The following DNAI4 variants were observed in gnomAD, a reference collection of about 807,000 sequenced individuals.
The protein encoded by DNAI4 is dynein axonemal intermediate chain 4.
In DNAI4, 85 loss-of-function variants were observed where a neutral mutation model predicts 105.8. The observed-to-expected ratio is 0.80, with a 90% confidence interval of 0.67 to 0.96. DNAI4 has a LOEUF of 0.96. Among genes scored for constraint, DNAI4 ranks in the 40% least tolerant of loss-of-function variants. The pLI, the probability that DNAI4 is intolerant of heterozygous loss-of-function variation, is 0.00. For synonymous variants in DNAI4, 352 were observed against 331.5 expected (o/e 1.06, Z -0.67); for missense variants, 1,014 against 1,005.6 (o/e 1.01, Z -0.11).
intron 7 of DNAI4, among the ~76,000 whole-genome samples, chr1:66,856,465 T>A (rs1488429761): frequency 6.6e-6 from 1 of 151,854 alleles, no homozygotes; most frequent in Non-Finnish European, 1.5e-5. Flanking sequence ...AGAGCGAGAC[T>A]CCGTCTCAAA....
chr1:66,831,802 C>T (rs1645870953), intron 13 of DNAI4, among the ~76,000 whole-genome samples: 1 of 152,132 alleles, frequency 6.6e-6, no homozygotes, highest in African/African-American at 2.4e-5. Flanking sequence ...GAAATAAAGG[C>T]AAGCAGGTTA....
intron 2 of DNAI4, among the ~76,000 whole-genome samples, chr1:66,900,866 C>T (rs1118392): frequency 0.7 from 105,863 of 152,022 alleles, 37,186 homozygotes; most frequent in East Asian, 0.87. Flanking sequence ...TCTTACTTTC[C>T]GAACTGGATG....
chr1:66,822,591 T>A, intron 15 of DNAI4, 74 bp from the exon 16 acceptor site: 1 of 1,291,068 alleles, frequency 7.7e-7, no homozygotes, highest in Non-Finnish European at 1.0e-6. Context: ...AAGAAAAATT[T>A]GACATTTTTT....
chr1:66,874,664 C>G (rs930285201), intron 5 of DNAI4, 117 bp downstream of exon 5: 1 of 943,600 alleles, frequency 1.1e-6, no homozygotes, highest in East Asian at 2.7e-5. Context: ...AGTCTCCCCC[C>G]AAACCCCATA....
chr1:66,871,306 T>C (rs770591984), intron 6 of DNAI4, 64 bp downstream of exon 6: 42 of 1,438,298 alleles, frequency 2.9e-5, no homozygotes, highest in Middle Eastern at 2.3e-4. Context: ...CACTTGTCGA[T>C]TGACAGACTC....
intron 9 of DNAI4, 62 bp from the exon 10 acceptor site, chr1:66,837,858 T>C (rs1646063796): frequency 2.9e-6 from 4 of 1,385,194 alleles, no homozygotes; most frequent in Non-Finnish European, 4.0e-6. Flanking sequence ...TTGGTAAATG[T>C]ATAAAGATAT....
chr1:66,813,461 C>G lies in DNAI4; in HGVS notation c.*669G>C, dbSNP rs1645454331. On this transcript the variant is annotated 3_prime_UTR_variant, in exon 17 of 17. Transcript: ENST00000371026. ...TCCACTGAAGTCTGGGCTTAAAATC[C>G]AGAGCTGATTCTGGGCAAACAGAGA... The G allele has an allele frequency of 6.6e-6, 1 of 152,352 alleles. No individual in the cohort carries two copies. The highest frequency in any genetic ancestry group is 1.5e-5 in the Non-Finnish European group (1 of 68,006). The allele number at this position is 152,352 out of a possible 1,614,324, so 9.4% of individuals were successfully genotyped here.
In DNAI4 at chr1:66,824,284, G is replaced by A. The variant is rs4655507; in HGVS notation, c.2340-1767C>T. 3.6e-5 allele frequency among the ~76,000 whole-genome samples: 5 copies of A among 138,540 alleles called. No homozygotes were observed. The East Asian group carries it at 8.0e-4, about 22-fold the overall frequency. 90.9% of individuals were successfully genotyped at this position (138,540 alleles called of 152,430 possible). On this transcript the variant is annotated intron_variant, in intron 15 of 16. Transcript: ENST00000371026. Reference sequence around the variant, plus strand: ...ATTGATCTATATCTCTGTTTTGGTAGCAGTACCATGCTGTTTTGGTTACTG... The same window carrying A: ...ATTGATCTATATCTCTGTTTTGGTAACAGTACCATGCTGTTTTGGTTACTG...
intron 6 of DNAI4, chr1:66,871,125 T>C: frequency 7.2e-6 from 3 of 419,578 alleles, no homozygotes; most frequent in Non-Finnish European, 1.3e-5. Flanking sequence ...TTAAAGAGTA[T>C]AAAGTTCTAT....
At chr1:66,921,859 T>C (rs928106577) in intron 1 of DNAI4, among the ~76,000 whole-genome samples, 1 of 151,692 alleles carries the variant, frequency 6.6e-6, no homozygotes, top group African/African-American at 2.4e-5. Flanking sequence ...TAGGTGAAGA[T>C]GGATGAATAA....
At chr1:66,851,346 A>C (rs1167191813) in intron 7 of DNAI4, among the ~76,000 whole-genome samples, 1 of 151,952 alleles carries the variant, frequency 6.6e-6, no homozygotes, top group Non-Finnish European at 1.5e-5. Flanking sequence ...AGTAAAAATT[A>C]TTAGAATTGA....
intron 1 of DNAI4, among the ~76,000 whole-genome samples, chr1:66,923,209 A>C (rs1198279979): frequency 6.6e-6 from 1 of 152,238 alleles, no homozygotes; most frequent in Non-Finnish European, 1.5e-5. Flanking sequence ...CAACAAATGC[A>C]TTTTCATCAT....
rs756531495 is a variant in DNAI4 at position 66,812,970 on chromosome 1, A to G, written c.*1160T>C. ...TTTCAGAAAGACAAAAACAAAGATAATCACAATGACATACCAGTGGAAAAT... is the reference window on the plus strand; with the variant it reads ...TTTCAGAAAGACAAAAACAAAGATAGTCACAATGACATACCAGTGGAAAAT... On this transcript the variant is annotated 3_prime_UTR_variant, in exon 17 of 17. Transcript: ENST00000371026. The G allele has an allele frequency of 6.6e-6, 1 of 152,338 alleles. No individual in the cohort carries two copies. Among genetic ancestry groups the G allele is most frequent in the African/African-American group, 2.4e-5 (1 of 41,452 alleles). The allele number at this position is 152,338 out of a possible 1,614,324, so 9.4% of individuals were successfully genotyped here.
intron 16 of DNAI4, among the ~76,000 whole-genome samples, chr1:66,819,337 A>G (rs925224265): frequency 8.5e-5 from 13 of 152,188 alleles, no homozygotes; most frequent in African/African-American, 3.1e-4. Context: ...TCACAAAAGC[A>G]TTCTCTTATT....
chr1:66,829,615 T>C (rs1047551433), intron 13 of DNAI4, among the ~76,000 whole-genome samples: 2 of 152,082 alleles, frequency 1.3e-5, no homozygotes, highest in Admixed American at 1.3e-4. Context: ...AAATCTACAA[T>C]TATGGTTGGA....
chr1:66,899,370 T>C lies in DNAI4; in HGVS notation c.345+5831A>G, dbSNP rs147616839. Among the ~76,000 whole-genome samples, 45 of 152,356 alleles carry C rather than the reference T, an allele frequency of 3.0e-4. No individual in the cohort carries two copies. In the South Asian group the frequency reaches 4.6e-3, roughly 15 times the overall value. ...TAACAACGTCCACCATATTTTCATA[T>C]GCTTTTTGATCATTTGTATATATTT... On this transcript the variant is annotated intron_variant, in intron 2 of 16. Transcript: ENST00000371026.
intron 7 of DNAI4, among the ~76,000 whole-genome samples, chr1:66,853,483 TG>T (rs1192530445): frequency 1.3e-5 from 2 of 152,320 alleles, no homozygotes; most frequent in African/African-American, 4.8e-5. Flanking sequence ...CTAAAGGTGA[TG>T]GGGGTACAAC....
rs564966570 is a variant in DNAI4 at position 66,813,312 on chromosome 1, A to C, written c.*818T>G. On this transcript the variant is annotated 3_prime_UTR_variant, in exon 17 of 17. Coordinates refer to ENST00000371026, the MANE Select transcript of DNAI4 (RefSeq NM_024763.5). Reference sequence around the variant, plus strand: ...TGCATAGAATGGCCTGTTAGCAATGAATATTTGGAGGAGTCACTGCTCCCC... The same window carrying C: ...TGCATAGAATGGCCTGTTAGCAATGCATATTTGGAGGAGTCACTGCTCCCC... The C allele has an allele frequency of 1.5e-4, 23 of 152,448 alleles. No homozygotes were observed. The highest frequency in any genetic ancestry group is 5.5e-4 in the African/African-American group (23 of 41,554). The allele number at this position is 152,448 out of a possible 1,614,324, so 9.4% of individuals were successfully genotyped here.
intron 1 of DNAI4, among the ~76,000 whole-genome samples, chr1:66,914,173 G>A (rs1487343406): frequency 2.0e-5 from 3 of 152,106 alleles, no homozygotes; most frequent in Non-Finnish European, 4.4e-5. Flanking sequence ...GTGAAAACAA[G>A]CAGAATGCAT....
Sources: allele counts gnomAD v4.1 joint callset (sites outside exome capture counted in the v4.1 genomes callset), GRCh38; gene constraint gnomAD v4.1.1; transcripts MANE v1.5; gene names NCBI Gene and HGNC (gene_info 2026-07-23, HGNC 2026-07-21).